The following CCDC88A variants were observed in gnomAD, a reference collection of about 807,000 sequenced individuals.
CCDC88A encodes girdin.
CCDC88A carries 54 observed loss-of-function variants against 234.3 expected under a neutral mutation model. The ratio of observed to expected loss-of-function variants is 0.23; its 90% CI spans 0.19 to 0.29. The LOEUF (loss-of-function observed/expected upper bound fraction) is 0.29. Among genes scored for constraint, CCDC88A ranks in the 10% least tolerant of loss-of-function variants. CCDC88A has a pLI of 1.00. For missense variants in CCDC88A, 1,832 were observed against 2,123.4 expected (o/e 0.86, Z 2.70); for synonymous variants, 753 against 737.8 (o/e 1.02, Z -0.33).
chr2:55,297,458 T>G (rs572478544), intron 29 of CCDC88A, among the ~76,000 whole-genome samples: 96 of 135,092 alleles, frequency 7.1e-4, no homozygotes, highest in Non-Finnish European at 1.3e-3. Context: ...TCACCCAGGC[T>G]GGAATGCAGT....
At chr2:55,307,459 G>C (rs141636507) in intron 25 of CCDC88A, among the ~76,000 whole-genome samples, 1 of 150,584 alleles carries the variant, frequency 6.6e-6, no homozygotes, top group East Asian at 2.0e-4. Flanking sequence ...AGGTTCAAGC[G>C]ACTCTCCTGC....
chr2:55,406,816 G>A (rs1204090098), intron 2 of CCDC88A, among the ~76,000 whole-genome samples: 1 of 151,896 alleles, frequency 6.6e-6, no homozygotes, highest in Non-Finnish European at 1.5e-5. Flanking sequence ...ACCAACTTCC[G>A]TGGTCCTTCA....
rs1685267144 is a variant in CCDC88A, at chr2:55,334,529, T to C, written c.2292A>G (p.Glu764=). ...CTAAAGTTTTTTGCAGTCTTTGATT[T>C]TCTATATCTAAACCCTGGTAGCTAA... ...LEVSYQGLDI[E]NQRLQKTLEN... The change falls in exon 15 of 33, where the codon GAA becomes GAG. Residue 764 remains glutamate (E), a synonymous_variant. Coordinates refer to ENST00000436346, the MANE Select transcript of CCDC88A (RefSeq NM_001365480.1). The surrounding 1 kb of genome is among the most constrained non-coding windows in gnomAD (Gnocchi z 6.1). 6.2e-7 allele frequency: 1 copy of C among 1,611,482 alleles called. No homozygotes were observed. The highest frequency in any genetic ancestry group is 1.1e-5 in the South Asian group (1 of 90,906).
At chr2:55,349,689 A>G (rs1669620762) in intron 8 of CCDC88A, 90 bp from the exon 9 acceptor site, 2 of 828,746 alleles carry the variant, frequency 2.4e-6, no homozygotes, top group South Asian at 1.6e-5. Context: ...TCATCACTAA[A>G]TAACTAGTTG....
Position 55,312,937 on chromosome 2 carries a change from G to A in CCDC88A, c.3934-358C>T, listed in dbSNP as rs147403242. The A allele has an allele frequency of 2.9e-5, 5 of 169,784 alleles. No individual in the cohort carries two copies. In the East Asian group the frequency reaches 6.2e-4, roughly 21 times the overall value. 10.5% of individuals were successfully genotyped at this position (169,784 alleles called of 1,614,324 possible). ...TTTCTATGAAATGTTAGACAAGTAA[G>A]TTCTCAGATCTATGAAATGAGGATA... On this transcript the variant is annotated intron_variant, in intron 22 of 32. Transcript: ENST00000436346.
chr2:55,389,684 T>G (rs537595191), intron 2 of CCDC88A, among the ~76,000 whole-genome samples: 1 of 152,150 alleles, frequency 6.6e-6, no homozygotes, highest in Non-Finnish European at 1.5e-5. Flanking sequence ...GTAATCTTAA[T>G]TGATGACTCC....
At chr2:55,331,688 G>C (rs78864065) in intron 16 of CCDC88A, 31 of 152,240 alleles carry the variant, frequency 2.0e-4, no homozygotes, top group Non-Finnish European at 3.7e-4. Flanking sequence ...TTGATAGATT[G>C]TAATTACCAT....
chr2:55,394,839 T>A (rs977882027), intron 2 of CCDC88A, among the ~76,000 whole-genome samples: 1 of 151,078 alleles, frequency 6.6e-6, no homozygotes, highest in Non-Finnish European at 1.5e-5. Flanking sequence ...AAAAAATGTT[T>A]TTGTTTTTGT....
At chr2:55,306,320 A>T (rs1024591623) in intron 25 of CCDC88A, 1 of 152,210 alleles carries the variant, frequency 6.6e-6, no homozygotes, top group African/African-American at 2.4e-5. Flanking sequence ...TGTCTAAAAC[A>T]GTAACTACTT....
intron 2 of CCDC88A, among the ~76,000 whole-genome samples, chr2:55,394,910 A>G (rs7570934): frequency 0.56 from 84,296 of 151,796 alleles, 24,776 homozygotes; most frequent in Admixed American, 0.65. Context: ...CAATGGCACA[A>G]CCTCCACTCA....
At chr2:55,323,079 A>G (rs1162134826) in intron 17 of CCDC88A, 3 of 153,784 alleles carry the variant, frequency 2.0e-5, no homozygotes, top group Non-Finnish European at 2.9e-5. Context: ...TTAAGGATAT[A>G]TCGTATTCAG....
chr2:55,297,337 A>ATAT (rs1680212610), intron 29 of CCDC88A, among the ~76,000 whole-genome samples: 1 of 18,240 alleles, frequency 5.5e-5, no homozygotes, highest in African/African-American at 1.3e-4. Flanking sequence ...ATAATATATA[A>ATAT]ATTTATATAT....
intron 18 of CCDC88A, among the ~76,000 whole-genome samples, chr2:55,320,552 A>G (rs6704701): frequency 0.071 from 10,795 of 152,204 alleles, 1,215 homozygotes; most frequent in African/African-American, 0.24. Flanking sequence ...AAAAAGATTC[A>G]CCTTACAGAA....
At chr2:55,292,268 G>C (rs901228196) in intron 31 of CCDC88A, 1 of 152,246 alleles carries the variant, frequency 6.6e-6, no homozygotes, top group Non-Finnish European at 1.5e-5. Context: ...AGCTAGGCCA[G>C]GAATACTGAA....
rs765219008 is a variant in CCDC88A at position 55,322,615 on chromosome 2, A to G, written c.3075T>C (p.Gly1025=). Residue 1025 remains glycine, a synonymous_variant, in exon 18 of 33, where the codon GGT becomes GGC. Coordinates refer to ENST00000436346, the MANE Select transcript of CCDC88A (RefSeq NM_001365480.1). ...RMVQSSPPIS[G]EDNKWERESQ... is the part of the protein sequence containing the mutation. The stretch of plus-strand genomic sequence containing the variant: ...TTTCTCGCTCCCATTTGTTGTCTTC[A>G]CCAGATATTGGAGGAGAGCTCTGTA... 5.6e-6 allele frequency: 9 copies of G among 1,605,882 alleles called. No individual in the cohort carries two copies. Among genetic ancestry groups the G allele is most frequent in the Non-Finnish European group, 7.7e-6 (9 of 1,173,380 alleles).
intron 2 of CCDC88A, among the ~76,000 whole-genome samples, chr2:55,397,005 A>T (rs1007792785): frequency 6.6e-6 from 1 of 151,864 alleles, no homozygotes; most frequent in Admixed American, 6.6e-5. Flanking sequence ...CAAACTAAAG[A>T]TGATTAATTT....
chr2:55,334,086 A>T lies in CCDC88A; in HGVS notation c.2727+8T>A, dbSNP rs1193646883. 1.7e-6 allele frequency: 2 copies of T among 1,200,414 alleles called. No individual in the cohort carries two copies. Among genetic ancestry groups the T allele is most frequent in the Non-Finnish European group, 2.2e-6 (2 of 921,464 alleles). The allele number at this position is 1,200,414 out of a possible 1,614,324, so 74.4% of individuals were successfully genotyped here. On this transcript the variant is annotated splice_region_variant and intron_variant, in intron 15 of 32. Transcript: ENST00000436346. This position sits in a 1 kb window ranked among gnomAD's most constrained non-coding sequence, Gnocchi z 6.1. ...AAAATTTGCCTTAATTTAGGTAAAC[A>T]TATTTACCTCACGTAGTGTAACCAA...
intron 4 of CCDC88A, among the ~76,000 whole-genome samples, chr2:55,372,846 C>T (rs1017478168): frequency 6.6e-6 from 1 of 152,174 alleles, no homozygotes; most frequent in Non-Finnish European, 1.5e-5. Context: ...CAGGTTGATA[C>T]AGGGACATGC....
chr2:55,396,388 A>G lies in CCDC88A; in HGVS notation c.165-7502T>C, dbSNP rs980635277. 3.3e-5 allele frequency among the ~76,000 whole-genome samples: 5 copies of G among 152,194 alleles called. No homozygotes were observed. The East Asian group carries it at 9.6e-4, about 29-fold the overall frequency. ...TGAATCCCTTACATACCTCTCATCTATGACTGTCTCCTATTCACACACTGA... is the reference window on the plus strand; with the variant it reads ...TGAATCCCTTACATACCTCTCATCTGTGACTGTCTCCTATTCACACACTGA... On this transcript the variant is annotated intron_variant, in intron 2 of 32. Coordinates refer to ENST00000436346, the MANE Select transcript of CCDC88A (RefSeq NM_001365480.1).
Sources: gnomAD v4.1 joint callset for allele counts (sites outside exome capture counted in the v4.1 genomes callset) on GRCh38, gnomAD v4.1.1 for gene constraint, Gnocchi (gnomAD v3.1) non-coding constraint, MANE v1.5 for transcripts, NCBI Gene and HGNC (gene_info 2026-07-23, HGNC 2026-07-21) for gene names.